The following INTS6L variants were observed in gnomAD, a reference collection of about 807,000 sequenced individuals.
INTS6L encodes integrator complex subunit 6 like.
INTS6L carries 18 observed loss-of-function variants against 64.7 expected under a neutral mutation model. The observed-to-expected ratio is 0.28, with a 90% CI of 0.19 to 0.41. The LOEUF (loss-of-function observed/expected upper bound fraction) is 0.41, where lower values mean the gene tolerates loss of function less well. INTS6L is among the 10% of genes least tolerant of loss of function. The pLI is 1.00. For missense variants in INTS6L, 533 were observed against 661.0 expected (o/e 0.81, Z 2.12); for synonymous variants, 227 against 235.9 (o/e 0.96, Z 0.34).
intron 8 of INTS6L, 144 bp downstream of exon 8, chrX:135,552,290 A>T (rs1178926355): frequency 1.6e-6 from 1 of 607,980 alleles, no homozygotes; most frequent in African/African-American, 2.3e-5. Flanking sequence ...AATAAGCAAC[A>T]GGGCCAGGCA....
At position 135,552,112 on chromosome X, in the gene INTS6L, T is replaced by A. The variant is rs782611788; in HGVS notation, c.1025T>A (p.Ile342Asn). The A allele has an allele frequency of 1.2e-5, 14 of 1,203,891 alleles. No individual in the cohort carries two copies. The highest frequency in any genetic ancestry group is 1.6e-5 in the Non-Finnish European group (14 of 893,139). The change falls in exon 8 of 18, where the codon ATC (isoleucine) becomes AAC (asparagine). Residue 342 changes from isoleucine (I) to asparagine (N), a missense_variant. Physicochemically the swap from Ile to Asn is moderately radical, Grantham distance 149. Coordinates refer to ENST00000639893, the MANE Select transcript of INTS6L (RefSeq NM_001351601.3). ...ELEPSPLTQY[I>N]LERKSPHTCW... ...GAACCTTCGCCCTTAACTCAGTATA[T>A]CTTGGAACGAAAGTCTCCCCATACC...
At chrX:135,569,614 A>G (rs1556526606) in intron 10 of INTS6L, 183 bp downstream of exon 10, 5 of 273,961 alleles carry the variant, frequency 1.8e-5, no homozygotes, top group African/African-American at 2.8e-5. Flanking sequence ...TGGCGGCACA[A>G]AAGAGAGCTG....
At chrX:135,525,685 T>G (rs1383172608) in intron 2 of INTS6L, among the ~76,000 whole-genome samples, 2 of 112,467 alleles carry the variant, frequency 1.8e-5, no homozygotes, top group Non-Finnish European at 3.8e-5. Context: ...ACATAACTTT[T>G]TCATATGCCC....
At position 135,521,040 on chromosome X, in the gene INTS6L, G is replaced by C. The variant is rs1281335220; in HGVS notation, c.48G>C (p.Gln16His). The C allele has an allele frequency of 2.5e-6, 3 of 1,209,898 alleles. No individual in the cohort carries two copies. In the Admixed American group the frequency reaches 6.5e-5, roughly 26 times the overall value. The change falls in exon 1 of 18, where the codon CAG (glutamine) becomes CAC (histidine). Residue 16 changes from glutamine to histidine, a missense_variant. By Grantham distance (24) the Gln-to-His change is conservative (BLOSUM62 0). Coordinates refer to ENST00000639893, the MANE Select transcript of INTS6L (RefSeq NM_001351601.3). ...TAGACACGTCCGCCTCTATGAACCA[G>C]CGCACTGACCTGGGCACCTCTTATT... ...FLIDTSASMN[Q>H]RTDLGTSYLD... is the part of the protein sequence containing the mutation.
intron 9 of INTS6L, among the ~76,000 whole-genome samples, chrX:135,568,231 A>G (rs2087002317): frequency 8.9e-6 from 1 of 111,980 alleles, no homozygotes; most frequent in African/African-American, 3.2e-5. Context: ...AAATGTATTT[A>G]GATTATTAAA....
intron 2 of INTS6L, among the ~76,000 whole-genome samples, chrX:135,538,853 G>A (rs1204768182): frequency 4.5e-5 from 5 of 112,163 alleles, no homozygotes; most frequent in East Asian, 2.8e-4. Context: ...GTGCATTGTC[G>A]ATGATCAATA....
chrX:135,573,050 A>T lies in INTS6L; in HGVS notation c.1617+17A>T. 1 of 1,148,807 alleles carries T rather than the reference A, an allele frequency of 8.7e-7. No individual in the cohort carries two copies. Among genetic ancestry groups the T allele is most frequent in the Non-Finnish European group, 1.2e-6 (1 of 843,482 alleles). 94.7% of individuals were successfully genotyped at this position (1,148,807 alleles called of 1,213,427 possible). A position where few individuals can be genotyped will look rare whatever the true frequency, so the allele number is the denominator to read the frequency against. On this transcript the variant is annotated intron_variant, in intron 12 of 17. Coordinates refer to ENST00000639893, the MANE Select transcript of INTS6L (RefSeq NM_001351601.3). ...TTAAACAAGGTAAATTGTGACATAA[A>T]TAGTTTGTATTTGTTTGAACTTGTC...
At position 135,552,089 on chromosome X, in the gene INTS6L, A is replaced by G; in HGVS notation, c.1002A>G (p.Glu334=). Residue 334 remains glutamate (E), a synonymous_variant, in exon 8 of 18, where the codon GAA becomes GAG. Coordinates refer to ENST00000639893, the MANE Select transcript of INTS6L (RefSeq NM_001351601.3). ...TTCCTTTTGACAAATATGAACTTGA[A>G]CCTTCGCCCTTAACTCAGTATATCT... ...DKLPFDKYEL[E]PSPLTQYILE... is the part of the protein sequence containing the mutation. 8.3e-7 allele frequency: 1 copy of G among 1,209,296 alleles called. No individual in the cohort carries two copies. Among genetic ancestry groups the G allele is most frequent in the Non-Finnish European group, 1.1e-6 (1 of 894,745 alleles).
At chrX:135,529,474 T>G (rs989197145) in intron 2 of INTS6L, among the ~76,000 whole-genome samples, 2 of 111,797 alleles carry the variant, frequency 1.8e-5, no homozygotes, top group Non-Finnish European at 3.8e-5. Flanking sequence ...GTCGTTAACT[T>G]TCTCAAAACT....
chrX:135,528,152 G>GA (rs1483581534), intron 2 of INTS6L, among the ~76,000 whole-genome samples: 1 of 111,035 alleles, frequency 9.0e-6, no homozygotes, highest in East Asian at 2.8e-4. Context: ...GCCTTTTACC[G>GA]AAAGAGTGTA....
intron 2 of INTS6L, among the ~76,000 whole-genome samples, chrX:135,531,824 G>C (rs1474672560): frequency 2.7e-5 from 3 of 111,764 alleles, no homozygotes; most frequent in African/African-American, 9.8e-5. Context: ...TACCCTCTGA[G>C]TGTATCTCCC....
At chrX:135,522,330 C>T (rs782492904) in intron 2 of INTS6L, among the ~76,000 whole-genome samples, 13 of 111,263 alleles carry the variant, frequency 1.2e-4, no homozygotes, top group Non-Finnish European at 2.1e-4. Context: ...CAAATGTGAG[C>T]ATTTGTAATA....
chrX:135,543,165 A>G (rs1289113656), intron 2 of INTS6L, among the ~76,000 whole-genome samples: 4 of 110,835 alleles, frequency 3.6e-5, no homozygotes, highest in African/African-American at 1.3e-4. Context: ...AACTACCAGC[A>G]GAGATCTTAG....
chrX:135,560,763 G>A (rs1047229631), intron 9 of INTS6L, among the ~76,000 whole-genome samples: 2 of 108,362 alleles, frequency 1.8e-5, no homozygotes, highest in Admixed American at 9.9e-5. Flanking sequence ...AGAATCACTC[G>A]AACCCGGGAG....
intron 11 of INTS6L, chrX:135,572,385 A>AT (rs1556528032): frequency 8.8e-6 from 1 of 113,487 alleles, no homozygotes; most frequent in African/African-American, 3.2e-5. Flanking sequence ...AAATAGTTTA[A>AT]TTTTTTCAGA....
Position 135,526,791 on chromosome X carries a change from A to G in INTS6L, c.189+5473A>G, listed in dbSNP as rs150965888. On this transcript the variant is annotated intron_variant, in intron 2 of 17. Transcript: ENST00000639893. ...GTGTTTAGATTTTAATATGTACTCA[A>G]CAAATGGAAAAAAGGTTTCAAGCAA... Among the ~76,000 whole-genome samples the G allele has an allele frequency of 4.6e-3, 512 of 111,625 alleles. 3 individuals carry two copies. Among genetic ancestry groups the G allele is most frequent in the African/African-American group, 0.015 (447 of 30,703 alleles).
At chrX:135,563,078 T>C (rs782623041) in intron 9 of INTS6L, among the ~76,000 whole-genome samples, 24 of 111,716 alleles carry the variant, frequency 2.1e-4, no homozygotes, top group Non-Finnish European at 4.3e-4. Context: ...ATCTTTTGGG[T>C]TATTTAAACG....
intron 2 of INTS6L, among the ~76,000 whole-genome samples, chrX:135,524,155 A>G (rs994649429): frequency 8.9e-6 from 1 of 111,831 alleles, no homozygotes; most frequent in Non-Finnish European, 1.9e-5. Context: ...AGCATGTGGT[A>G]ACTATTTGTT....
At chrX:135,580,375 C>T (rs1056973275) in intron 16 of INTS6L, among the ~76,000 whole-genome samples, 4 of 112,046 alleles carry the variant, frequency 3.6e-5, no homozygotes, top group East Asian at 2.8e-4. Flanking sequence ...CTTTTGCTGC[C>T]GTAACAAGTT....
Sources: allele counts gnomAD v4.1 joint callset (sites outside exome capture counted in the v4.1 genomes callset), GRCh38; gene constraint gnomAD v4.1.1; transcripts MANE v1.5; gene names NCBI Gene and HGNC (gene_info 2026-07-23, HGNC 2026-07-21).